Variants in ZNF10 observed in about 807,000 individuals in gnomAD.
ZNF10 encodes the protein zinc finger protein 10 (KOX 1).
Under a neutral mutation model 12.2 loss-of-function variants are expected in ZNF10, and 8 were observed. The ratio of observed to expected loss-of-function variants is 0.66; its 90% CI spans 0.39 to 1.18. ZNF10 has a LOEUF of 1.18. Ranked by LOEUF, ZNF10 falls within the 50% of genes most tolerant of loss-of-function variation. ZNF10 has a pLI of 0.01. For missense variants in ZNF10, 603 were observed against 678.9 expected, an observed-to-expected ratio of 0.89 and a Z score of 1.24; for synonymous variants, 229 against 228.2, an observed-to-expected ratio of 1.00 and a Z score of -0.03.
chr12:133,150,442 A>G (rs898782699), intron 2 of ZNF10, among the ~76,000 whole-genome samples: 1 of 152,174 alleles, frequency 6.6e-6, no homozygotes, highest in East Asian at 1.9e-4. Flanking sequence ...CAGTCACTCA[A>G]ATAGGTTTTT....
chr12:133,155,456 A>C (rs756640721), intron 4 of ZNF10, 47 bp from the exon 5 acceptor site: 2 of 1,521,456 alleles, frequency 1.3e-6, no homozygotes, highest in African/African-American at 2.8e-5. Flanking sequence ...TAGCATTCTC[A>C]CCTTAATACT....
Position 133,156,791 on chromosome 12 carries a change from G to T in ZNF10, c.1545G>T (p.Glu515Asp), listed in dbSNP as rs763342928. 6.3e-7 allele frequency: 1 copy of T among 1,575,824 alleles called. No homozygotes were observed. Residue 515 changes from glutamate to aspartate, a missense_variant, in exon 5 of 5, where the codon GAG (glutamate) becomes GAT (aspartate). Physicochemically the swap from Glu to Asp is conservative, Grantham distance 45. Transcript: ENST00000248211. ...IKHQRIHVGE[E>D]TYKCNQCGII... ...ACCAGAGAATTCATGTTGGAGAAGA[G>T]ACCTATAAATGTAATCAATGTGGCA... is the stretch of plus-strand genomic sequence containing the variant.
chr12:133,141,778 AGAAATAATGGCTG>A (rs1172532977), intron 1 of ZNF10, among the ~76,000 whole-genome samples: 12 of 152,180 alleles, frequency 7.9e-5, no homozygotes, highest in African/African-American at 2.9e-4. Context: ...AAATATATGA[AGAAATAATGGCTG>A]GAAATGTCAA....
At position 133,159,252 on chromosome 12, in the gene ZNF10, CAG is replaced by C. The variant is rs1179654326; in HGVS notation, c.*2285_*2286del. 9 of 152,124 alleles carry C rather than the reference CAG, an allele frequency of 5.9e-5. No individual in the cohort carries two copies. The highest frequency in any genetic ancestry group is 1.9e-4 in the African/African-American group (8 of 41,416). The allele number at this position is 152,124 out of a possible 1,614,324, so 9.4% of individuals were successfully genotyped here. On this transcript the variant is annotated 3_prime_UTR_variant, in exon 5 of 5. Transcript: ENST00000248211. Reference sequence around the variant, plus strand: ...AGGATGATCACTGAAATATTTATGACAGTGCATAATTTGCAAAATAAAAAATG... The same window carrying C: ...AGGATGATCACTGAAATATTTATGACTGCATAATTTGCAAAATAAAAAATG...
rs1050399443 is a variant in ZNF10, at chr12:133,130,714, G to C, written c.-100G>C. ...GCTGTTGCTGCTGCCTTTGTGACGG[G>C]ATCGCTTTCTCCCATCGAACCTTCT... On this transcript the variant is annotated 5_prime_UTR_variant, in exon 1 of 5. Coordinates refer to ENST00000248211, the MANE Select transcript of ZNF10 (RefSeq NM_015394.5). 6.6e-6 allele frequency: 1 copy of C among 152,510 alleles called. No individual in the cohort carries two copies. Among genetic ancestry groups the C allele is most frequent in the African/African-American group, 2.4e-5 (1 of 41,456 alleles). 9.4% of individuals were successfully genotyped at this position (152,510 alleles called of 1,614,324 possible).
At chr12:133,145,102 A>G in intron 2 of ZNF10, 2 of 251,908 alleles carry the variant, frequency 7.9e-6, no homozygotes, top group South Asian at 7.1e-5. Context: ...CAGTCTCAAT[A>G]TCCTGACCTC....
At position 133,151,920 on chromosome 12, in the gene ZNF10, G is replaced by T; in HGVS notation, c.256+16G>T. ...ACCCATCCTGGTGAGGACCAGTCAA[G>T]AGTTGTCATAGGCAGCAGCCCAGAT... On this transcript the variant is annotated intron_variant, in intron 4 of 4. Coordinates refer to ENST00000248211, the MANE Select transcript of ZNF10 (RefSeq NM_015394.5). The T allele has an allele frequency of 6.2e-7, 1 of 1,609,406 alleles. No individual in the cohort carries two copies. The highest frequency in any genetic ancestry group is 8.5e-7 in the Non-Finnish European group (1 of 1,176,322).
Position 133,147,735 on chromosome 12 carries a change from C to T in ZNF10, c.33+3210C>T, listed in dbSNP as rs1330984206. On this transcript the variant is annotated intron_variant, in intron 2 of 4. Coordinates refer to ENST00000248211, the MANE Select transcript of ZNF10 (RefSeq NM_015394.5). ...GATTCAAGCAATTCTCCTGCCTTAG[C>T]CTCCCGAGTAGCTGGGACTACAGGT... Among the ~76,000 whole-genome samples, 4 of 151,190 alleles carry T rather than the reference C, an allele frequency of 2.6e-5. No homozygotes were observed. In the South Asian group the frequency reaches 6.3e-4, roughly 24 times the overall value.
chr12:133,148,750 G>GTTTTTTTTTTTTTTTTTTTTT (rs201972025), intron 2 of ZNF10, among the ~76,000 whole-genome samples: 2 of 137,408 alleles, frequency 1.5e-5, no homozygotes. Context: ...ATTCAATGTT[G>GTTTTTTTTTTTTTTTTTTTTT]GTTTTTTTTT....
chr12:133,146,617 G>A (rs7316457), intron 2 of ZNF10, among the ~76,000 whole-genome samples: 50,235 of 151,904 alleles, frequency 0.33, 8,688 homozygotes, highest in African/African-American at 0.38. Context: ...AGGCGGAGGC[G>A]GGTGGATCAC....
At position 133,155,905 on chromosome 12, in the gene ZNF10, G is replaced by A. The variant is rs1178897320; in HGVS notation, c.659G>A (p.Cys220Tyr). ...AGTAATGAATGTGGTCAAACTTTCT[G>A]TCAAAACATTCACCTTATTCAGTTT... Reference protein sequence around the residue: ...SNSNECGQTFCQNIHLIQFAR... With the variant: ...SNSNECGQTFYQNIHLIQFAR... Residue 220 changes from cysteine (C) to tyrosine (Y), a missense_variant, in exon 5 of 5, where the codon TGT (cysteine) becomes TAT (tyrosine). Around this residue, in one of 3 missense-constraint regions of ZNF10, gnomAD observed 393 missense variants for 399.7 expected, o/e 0.98. Coordinates refer to ENST00000248211, the MANE Select transcript of ZNF10 (RefSeq NM_015394.5). 6.2e-7 allele frequency: 1 copy of A among 1,613,878 alleles called. No individual in the cohort carries two copies. Among genetic ancestry groups the A allele is most frequent in the South Asian group, 1.1e-5 (1 of 91,022 alleles).
chr12:133,136,774 G>T (rs1955914604), intron 1 of ZNF10, among the ~76,000 whole-genome samples: 1 of 152,070 alleles, frequency 6.6e-6, no homozygotes, highest in Non-Finnish European at 1.5e-5. Flanking sequence ...GGAGAATATA[G>T]TTACTCTTAA....
At chr12:133,134,176 G>T (rs1403430742) in intron 1 of ZNF10, among the ~76,000 whole-genome samples, 2 of 151,628 alleles carry the variant, frequency 1.3e-5, no homozygotes, top group African/African-American at 4.9e-5. Context: ...AGCTGAGTGT[G>T]GTGGTGGGCG....
intron 2 of ZNF10, among the ~76,000 whole-genome samples, chr12:133,146,249 C>A (rs368417881): frequency 6.6e-6 from 1 of 152,152 alleles, no homozygotes. Context: ...ATTACGTCAC[C>A]ACCACTGCAC....
rs1956047669 is a variant in ZNF10 at position 133,157,128 on chromosome 12, G to A, written c.*160G>A. ...GGTCCTGGAAGGGAAAGAAACCACA[G>A]ATTTTATTTCAGTACACAAATCCAT... On this transcript the variant is annotated 3_prime_UTR_variant, in exon 5 of 5. Coordinates refer to ENST00000248211, the MANE Select transcript of ZNF10 (RefSeq NM_015394.5). 5.1e-6 allele frequency: 3 copies of A among 591,170 alleles called. No homozygotes were observed. Among genetic ancestry groups the A allele is most frequent in the South Asian group, 1.7e-4 (2 of 11,586 alleles). The allele number at this position is 591,170 out of a possible 1,614,324, so 36.6% of individuals were successfully genotyped here.
intron 1 of ZNF10, among the ~76,000 whole-genome samples, chr12:133,131,648 C>T (rs1193375631): frequency 6.6e-6 from 1 of 152,196 alleles, no homozygotes; most frequent in African/African-American, 2.4e-5. Flanking sequence ...TGTGACATAA[C>T]TAATCTCTTC....
At chr12:133,149,603 T>A (rs180780298) in intron 2 of ZNF10, among the ~76,000 whole-genome samples, 41 of 151,756 alleles carry the variant, frequency 2.7e-4, no homozygotes, top group Admixed American at 1.5e-3. Context: ...GTGATCCACC[T>A]ACCTCAGCCT....
rs769825520 is a variant in ZNF10, at chr12:133,151,204, G to T, written c.160+50G>T. The T allele has an allele frequency of 7.7e-6, 12 of 1,565,282 alleles. No individual in the cohort carries two copies. The African/African-American group carries it at 1.5e-4, about 19-fold the overall frequency. ...ATTTTGGTTCTCCATTGATCAAAAG[G>T]TACAGAGACCCTGAAGCATGTATCA... On this transcript the variant is annotated intron_variant, in intron 3 of 4. Transcript: ENST00000248211.
chr12:133,141,198 A>G (rs758081649), intron 1 of ZNF10, among the ~76,000 whole-genome samples: 1 of 152,230 alleles, frequency 6.6e-6, no homozygotes, highest in Non-Finnish European at 1.5e-5. Context: ...GCAAATTGTA[A>G]AAGAAAGACC....
Sources: gnomAD v4.1 joint callset for allele counts (sites outside exome capture counted in the v4.1 genomes callset) on GRCh38, gnomAD v4.1.1 for gene constraint, gnomAD v4.1.1 regional missense constraint, MANE v1.5 for transcripts, NCBI Gene and HGNC (gene_info 2026-07-23, HGNC 2026-07-21) for gene names.